KCTD1: variants seen among roughly 807,000 people sequenced by gnomAD.
The protein encoded by KCTD1 is potassium channel tetramerization domain containing 1.
KCTD1 carries 24 observed loss-of-function variants against 66.0 expected under a neutral mutation model. That is an observed-to-expected ratio of 0.36 (90% CI 0.26 to 0.51). The LOEUF (loss-of-function observed/expected upper bound fraction) is 0.51. KCTD1 is among the 20% of genes least tolerant of loss of function. The probability of loss-of-function intolerance (pLI) is 0.95; values close to 1 mark genes in which losing one functional copy is unlikely to be tolerated. For synonymous variants in KCTD1, 511 were observed against 517.2 expected (o/e 0.99, Z 0.16); for missense variants, 943 against 1,205.2 (o/e 0.78, Z 3.22).
intron 1 of KCTD1, among the ~76,000 whole-genome samples, chr18:26,563,028 C>T (rs928825076): frequency 2.6e-5 from 4 of 152,126 alleles, no homozygotes; most frequent in South Asian, 2.1e-4. Context: ...GCTTTATTTC[C>T]CATCTCTGCA....
At chr18:26,550,554 C>G (rs1403003752), upstream of KCTD1, among the ~76,000 whole-genome samples, 1 of 116,000 alleles carries the variant, frequency 8.6e-6, no homozygotes, top group Non-Finnish European at 1.7e-5. This position sits in a 1 kb window ranked among gnomAD's most constrained non-coding sequence, Gnocchi z 5.4. Flanking sequence ...TAGGGAAACA[C>G]AAGACACACA....
intron 1 of KCTD1, among the ~76,000 whole-genome samples, chr18:26,649,633 C>G (rs997927453): frequency 6.6e-6 from 1 of 152,134 alleles, no homozygotes. Context: ...CCCAGCCTCC[C>G]GAGTAGCTGG....
Position 26,548,183 on chromosome 18 carries a change from C to T in KCTD1, c.354G>A (p.Glu118=), listed in dbSNP as rs1256788966. Residue 118 remains glutamate (E), a synonymous_variant, in exon 1 of 5, where the codon GAG becomes GAA. Coordinates refer to ENST00000580059, the MANE Select transcript of KCTD1 (RefSeq NM_001142730.3). ...GGTCCATATTGATCATATGGACCGG[C>T]TCGGGCTCCAGCTCCTCCCCGGCCG... ...EDSAGEELEP[E]PVHMINMDQS... The T allele has an allele frequency of 1.4e-5, 21 of 1,497,678 alleles. No homozygotes were observed. The highest frequency in any genetic ancestry group is 2.2e-4 in the Middle Eastern group (1 of 4,586). The allele number at this position is 1,497,678 out of a possible 1,614,324, so 92.8% of individuals were successfully genotyped here. A position where few individuals can be genotyped will look rare whatever the true frequency, so the allele number is the denominator to read the frequency against.
chr18:26,636,858 A>G (rs1368281716), intron 1 of KCTD1, among the ~76,000 whole-genome samples: 1 of 152,230 alleles, frequency 6.6e-6, no homozygotes, highest in African/African-American at 2.4e-5. Flanking sequence ...GCTGGACCCC[A>G]TTCCAACCTA....
intron 1 of KCTD1, among the ~76,000 whole-genome samples, chr18:26,645,856 A>G (rs1377989730): frequency 6.6e-6 from 1 of 152,170 alleles, no homozygotes; most frequent in Non-Finnish European, 1.5e-5. Flanking sequence ...AGACCTATCT[A>G]ATTGAAAACT....
At chr18:26,657,397 C>G (rs886363109) in exon 1 of KCTD1, 3 of 985,708 alleles carry the variant, frequency 3.0e-6, no homozygotes, top group Non-Finnish European at 3.6e-6. Flanking sequence ...TCCAAGTCCC[C>G]TTTTCCTTTT....
chr18:26,506,781 C>T (rs1983061095), intron 1 of KCTD1, among the ~76,000 whole-genome samples: 1 of 152,194 alleles, frequency 6.6e-6, no homozygotes, highest in Admixed American at 6.5e-5. Flanking sequence ...TGCTCTGGAC[C>T]TGCACAGTTC....
chr18:26,617,986 C>G (rs956343849), intron 1 of KCTD1, among the ~76,000 whole-genome samples: 44 of 151,040 alleles, frequency 2.9e-4, no homozygotes, highest in African/African-American at 1.0e-3. Flanking sequence ...AACAGTACAT[C>G]ACAGCACAAA....
chr18:26,520,334 T>G (rs1006994684), intron 1 of KCTD1, among the ~76,000 whole-genome samples: 2 of 152,174 alleles, frequency 1.3e-5, no homozygotes, highest in Non-Finnish European at 2.9e-5. Context: ...TGCATAACCA[T>G]GTAAAACTAA....
chr18:26,575,085 T>C (rs1318001888), intron 1 of KCTD1, among the ~76,000 whole-genome samples: 1 of 152,190 alleles, frequency 6.6e-6, no homozygotes, highest in Non-Finnish European at 1.5e-5. Context: ...TCTGCCATTG[T>C]CTTATCACAT....
intron 2 of KCTD1, among the ~76,000 whole-genome samples, chr18:26,496,367 A>G (rs1982472767): frequency 6.6e-6 from 1 of 152,142 alleles, no homozygotes; most frequent in Non-Finnish European, 1.5e-5. Context: ...ATACTTATTT[A>G]AAGTGAAATT....
At position 26,546,764 on chromosome 18, in the gene KCTD1, G is replaced by A; in HGVS notation, c.1773C>T (p.Pro591=). The change falls in exon 1 of 5, where the codon CCC becomes CCT. Residue 591 remains proline, a synonymous_variant. Transcript: ENST00000580059. ...AAACAATAGCAGGTGAAACTATTGT[G>A]GGAGAATTGGTGCTTCTGTGCCCAT... is the stretch of plus-strand genomic sequence containing the variant. ...EANGHRSTNS[P]TIVSPAIVSP... 6.5e-7 allele frequency: 1 copy of A among 1,550,054 alleles called. No individual in the cohort carries two copies. The highest frequency in any genetic ancestry group is 8.7e-7 in the Non-Finnish European group (1 of 1,146,438).
chr18:26,583,904 C>T (rs1399602339), intron 1 of KCTD1, among the ~76,000 whole-genome samples: 1 of 152,170 alleles, frequency 6.6e-6, no homozygotes, highest in Non-Finnish European at 1.5e-5. Flanking sequence ...AAGCACAGGA[C>T]AGCCACCCAG....
intron 2 of KCTD1, among the ~76,000 whole-genome samples, chr18:26,493,167 G>A (rs1007015629): frequency 3.9e-5 from 6 of 152,200 alleles, no homozygotes; most frequent in Non-Finnish European, 7.3e-5. Flanking sequence ...TGGAAGTTGA[G>A]TGTATGACCC....
intron 1 of KCTD1, among the ~76,000 whole-genome samples, chr18:26,626,179 C>G (rs980345467): frequency 2.0e-5 from 3 of 151,260 alleles, no homozygotes; most frequent in African/African-American, 7.3e-5. Flanking sequence ...AAAAAAAAAC[C>G]TTTTATTGTT....
intron 1 of KCTD1, among the ~76,000 whole-genome samples, chr18:26,534,712 C>T (rs1419221352): frequency 1.3e-5 from 2 of 151,950 alleles, no homozygotes; most frequent in African/African-American, 4.8e-5. Context: ...ATGTAGTAAC[C>T]TGCCTAAGAT....
intron 1 of KCTD1, among the ~76,000 whole-genome samples, chr18:26,525,623 G>T (rs1322510612): frequency 2.0e-5 from 3 of 152,118 alleles, no homozygotes; most frequent in Non-Finnish European, 4.4e-5. Context: ...CATCTAAGCA[G>T]CCCTACTCCC....
chr18:26,548,711 G>A (rs185833957), upstream of KCTD1: 6 of 951,498 alleles, frequency 6.3e-6, no homozygotes, highest in Non-Finnish European at 7.9e-6. Flanking sequence ...GCGGCGCGCA[G>A]GGGATGGAGG....
chr18:26,518,925 C>T (rs763306840), intron 1 of KCTD1, among the ~76,000 whole-genome samples: 4 of 152,214 alleles, frequency 2.6e-5, no homozygotes, highest in Non-Finnish European at 4.4e-5. Flanking sequence ...GCACAGGACA[C>T]TGTGCTATAC....
Sources: allele counts gnomAD v4.1 joint callset (sites outside exome capture counted in the v4.1 genomes callset), GRCh38; gene constraint gnomAD v4.1.1; non-coding constraint Gnocchi (gnomAD v3.1); transcripts MANE v1.5; gene names NCBI Gene and HGNC (gene_info 2026-07-23, HGNC 2026-07-21).